Variants in MASP2 observed in about 807,000 individuals in gnomAD.
The protein encoded by MASP2 is mannan-binding lectin serine protease 2.
A neutral mutation model predicts 57.1 loss-of-function variants in MASP2; 49 were observed. That is an observed-to-expected ratio of 0.86 (90% CI 0.68 to 1.09). The LOEUF is 1.09. Ranked by LOEUF, MASP2 falls within the 50% of genes least tolerant of loss-of-function variation. The pLI, the probability that MASP2 is intolerant of heterozygous loss-of-function variation, is 0.00. For missense variants in MASP2, 900 were observed against 874.8 expected (o/e 1.03, Z -0.36); for synonymous variants, 379 against 340.8 (o/e 1.11, Z -1.24).
At chr1:11,043,061 TG>T in intron 5 of MASP2, 39 bp from the exon 6 acceptor site, 1 of 1,607,662 alleles carries the variant, frequency 6.2e-7, no homozygotes, top group African/African-American at 1.3e-5. Flanking sequence ...AGCAGCTGCC[TG>T]GGTCTGGCCT....
intron 4 of MASP2, chr1:11,044,840 TG>T: frequency 6.8e-7 from 1 of 1,477,956 alleles, no homozygotes; most frequent in Non-Finnish European, 9.1e-7. Flanking sequence ...GGTGGGTGAA[TG>T]GGAGTTGGGG....
In MASP2 at chr1:11,027,643, C is replaced by T. The variant is rs1341653478; in HGVS notation, c.1303G>A (p.Gly435Arg). The T allele has an allele frequency of 1.3e-6, 2 of 1,595,372 alleles. No individual in the cohort carries two copies. The highest frequency in any genetic ancestry group is 1.1e-5 in the South Asian group (1 of 88,486). ...KSLPVCEPVC[G>R]LSARTTGGRI... The stretch of plus-strand genomic sequence containing the variant: ...CCTCCTGTTGTGCGGGCTGATAGTC[C>T]ACAAACTGGAGAAAGAAGCAGATAG... The change falls in exon 11 of 11, where the codon GGA becomes AGA. Residue 435 changes from glycine to arginine, a missense_variant. Physicochemically the swap from Gly to Arg is moderately radical, Grantham distance 125 (BLOSUM62 -2). Transcript: ENST00000400897.
At chr1:11,032,455 T>TA (rs1259804492) in intron 8 of MASP2, among the ~76,000 whole-genome samples, 3 of 151,362 alleles carry the variant, frequency 2.0e-5, no homozygotes, top group African/African-American at 4.9e-5. Flanking sequence ...CTACTAAAAC[T>TA]AAAAAAATTA....
Position 11,043,152 on chromosome 1 carries a change from C to A in MASP2, c.742-130G>T, listed in dbSNP as rs72550850. On this transcript the variant is annotated intron_variant, in intron 5 of 10. Coordinates refer to ENST00000400897, the MANE Select transcript of MASP2 (RefSeq NM_006610.4). The stretch of plus-strand genomic sequence containing the variant: ...CAACCCAGGCCATGGATTGGGGTGC[C>A]CCTCCCCACTCTGCCTCCCACACTT... 1.3e-3 allele frequency: 1,357 copies of A among 1,069,040 alleles called. 10 individuals carry two copies. In the African/African-American group the frequency reaches 0.018, roughly 14 times the overall value. 66.2% of individuals were successfully genotyped at this position (1,069,040 alleles called of 1,614,324 possible).
In MASP2 at chr1:11,047,219, C is replaced by T; in HGVS notation, c.-12G>A. The T allele has an allele frequency of 1.3e-6, 2 of 1,560,164 alleles. No individual in the cohort carries two copies. Among genetic ancestry groups the T allele is most frequent in the Non-Finnish European group, 1.7e-6 (2 of 1,155,536 alleles). ...CCCACCTACCTCATGGTGTGCCCGT[C>T]CAGCTGGCCTGGCCTGGTCTGCAGC... On this transcript the variant is annotated 5_prime_UTR_variant, in exon 1 of 11. Transcript: ENST00000400897.
intron 10 of MASP2, among the ~76,000 whole-genome samples, chr1:11,028,769 A>G (rs1643788609): frequency 6.9e-6 from 1 of 144,286 alleles, no homozygotes; most frequent in African/African-American, 2.6e-5. Flanking sequence ...GTTGGAGTGC[A>G]GTGGTACAAT....
chr1:11,045,459 A>T lies in MASP2; in HGVS notation c.493T>A (p.Cys165Ser). 6.2e-7 allele frequency: 1 copy of T among 1,613,148 alleles called. No individual in the cohort carries two copies. Among genetic ancestry groups the T allele is most frequent in the Non-Finnish European group, 8.5e-7 (1 of 1,179,956 alleles). Residue 165 changes from cysteine (C) to serine (S), a missense_variant, in exon 4 of 11, where the codon TGC becomes AGC. Cys to Ser is a moderately radical substitution (Grantham distance 112, BLOSUM62 -1). Transcript: ENST00000400897. ...AGGACGTAGCCTGCGCGGCAGGAGC[A>T]GTAGAAACCGCCCAGGTGGTTGTGG... ...HCHNHLGGFY[C>S]SCRAGYVLHR...
In MASP2 at chr1:11,045,521, A is replaced by G; in HGVS notation, c.431T>C (p.Val144Ala). 1 of 1,607,824 alleles carries G rather than the reference A, an allele frequency of 6.2e-7. No individual in the cohort carries two copies. The highest frequency in any genetic ancestry group is 8.5e-7 in the Non-Finnish European group (1 of 1,178,272). ...GCAGGTGGGCGCCTCTCCCGGGGCC[A>G]CCTGGCACTCGTCAATGTCTGGGGG... Reference protein sequence around the residue: ...YAAEDIDECQVAPGEAPTCDH... With the variant: ...YAAEDIDECQAAPGEAPTCDH... Residue 144 changes from valine to alanine, a missense_variant, in exon 4 of 11, where the codon GTG becomes GCG. By Grantham distance (64) the Val-to-Ala change is moderately conservative. Coordinates refer to ENST00000400897, the MANE Select transcript of MASP2 (RefSeq NM_006610.4).
At position 11,032,895 on chromosome 1, in the gene MASP2, CA is replaced by C. The variant is rs765160360; in HGVS notation, c.1087+1932del. Among the ~76,000 whole-genome samples, 135 of 150,986 alleles carry C rather than the reference CA, an allele frequency of 8.9e-4. 1 individual carries two copies. Among genetic ancestry groups the C allele is most frequent in the Non-Finnish European group, 1.6e-3 (111 of 67,700 alleles). ...CTCCACTCCAGCCTGGGTGACAGAA[CA>C]AGACTCCGTCTCAAAAAATAAATAA... On this transcript the variant is annotated intron_variant, in intron 8 of 10. Transcript: ENST00000400897.
rs61735600 is a variant in MASP2, at chr1:11,046,672, C to T, written c.296G>A (p.Arg99Gln). ...LCGQESTDTE[R>Q]APGKDTFYSL... Reference sequence around the variant, plus strand: ...GTAGAAAGTGTCCTTGCCAGGGGCCCGCTCCGTGTCTGTGCTCTCCTGCCC... The same window carrying T: ...GTAGAAAGTGTCCTTGCCAGGGGCCTGCTCCGTGTCTGTGCTCTCCTGCCC... The change falls in exon 3 of 11, where the codon CGG becomes CAG. Residue 99 changes from arginine (R) to glutamine (Q), a missense_variant. Transcript: ENST00000400897. The T allele has an allele frequency of 3.7e-3, 6,008 of 1,613,498 alleles. 188 individuals carry two copies. In the African/African-American group the frequency reaches 0.069, roughly 19 times the overall value.
At position 11,045,470 on chromosome 1, in the gene MASP2, C is replaced by A. The variant is rs749000909; in HGVS notation, c.482G>T (p.Gly161Val). Residue 161 changes from glycine (G) to valine (V), a missense_variant, in exon 4 of 11, where the codon GGC (glycine) becomes GTC (valine). Transcript: ENST00000400897. ...TCDHHCHNHL[G>V]GFYCSCRAGY... is the part of the protein sequence containing the mutation. ...TGCGCGGCAGGAGCAGTAGAAACCG[C>A]CCAGGTGGTTGTGGCAGTGGTGGTC... is the stretch of plus-strand genomic sequence containing the variant. The A allele has an allele frequency of 2.0e-5, 32 of 1,613,096 alleles. No individual in the cohort carries two copies. The highest frequency in any genetic ancestry group is 2.6e-5 in the Non-Finnish European group (31 of 1,179,970).
chr1:11,046,052 G>A (rs1321852188), intron 3 of MASP2: 4 of 202,858 alleles, frequency 2.0e-5, no homozygotes, highest in Admixed American at 1.1e-4. Context: ...TAGCTCTGTC[G>A]CCCAGGCTGG....
intron 10 of MASP2, among the ~76,000 whole-genome samples, chr1:11,028,363 CTAGGAAAG>C (rs1322589773): frequency 6.6e-6 from 1 of 151,966 alleles, no homozygotes; most frequent in Non-Finnish European, 1.5e-5. Context: ...TTATGTAATC[CTAGGAAAG>C]CAGGAACTAA....
intron 3 of MASP2, 157 bp downstream of exon 3, chr1:11,046,399 T>C: frequency 1.3e-6 from 1 of 775,428 alleles, no homozygotes; most frequent in Non-Finnish European, 2.1e-6. Flanking sequence ...GTCACGGCTG[T>C]TTTGGTCTTT....
At chr1:11,042,241 A>G (rs993431833) in intron 6 of MASP2, among the ~76,000 whole-genome samples, 1 of 145,116 alleles carries the variant, frequency 6.9e-6, no homozygotes, top group Non-Finnish European at 1.5e-5. Context: ...GGTGGATAGA[A>G]GGATGAGTGG....
At chr1:11,043,737 G>A (rs1451103139) in intron 4 of MASP2, among the ~76,000 whole-genome samples, 2 of 152,090 alleles carry the variant, frequency 1.3e-5, no homozygotes, top group African/African-American at 2.4e-5. Context: ...GATGGCTGAG[G>A]GGCCGCTTAG....
rs1423474190 is a variant in MASP2, at chr1:11,043,376, G to A, written c.704C>T (p.Thr235Ile). 3 of 1,609,522 alleles carry A rather than the reference G, an allele frequency of 1.9e-6. No individual in the cohort carries two copies. Among genetic ancestry groups the A allele is most frequent in the South Asian group, 2.2e-5 (2 of 90,084 alleles). The change falls in exon 5 of 11, where the codon ACA becomes ATA. Residue 235 changes from threonine (T) to isoleucine (I), a missense_variant. Physicochemically the swap from Thr to Ile is moderately conservative, Grantham distance 89. Transcript: ENST00000400897. ...LDFVESFDVE[T>I]HPETLCPYDF... is the part of the protein sequence containing the mutation. ...GTAGGGACACAGGGTTTCAGGGTGT[G>A]TCTCCACATCGAAGGACTCCACAAA...
chr1:11,034,758 G>C (rs946289823), intron 8 of MASP2, 70 bp downstream of exon 8: 1 of 914,928 alleles, frequency 1.1e-6, no homozygotes, highest in Non-Finnish European at 1.6e-6. Flanking sequence ...AGAAGCAATA[G>C]AAGCAGCAAC....
At chr1:11,038,787 G>A (rs543056686) in intron 6 of MASP2, among the ~76,000 whole-genome samples, 2 of 152,326 alleles carry the variant, frequency 1.3e-5, no homozygotes, top group South Asian at 2.1e-4. Context: ...TGTCTGTCAC[G>A]ACGAAGAGGT....
Sources: gnomAD v4.1 joint callset for allele counts (sites outside exome capture counted in the v4.1 genomes callset) on GRCh38, gnomAD v4.1.1 for gene constraint, MANE v1.5 for transcripts, NCBI Gene and HGNC (gene_info 2026-07-23, HGNC 2026-07-21) for gene names.